The following SHPRH variants were observed in gnomAD, a reference collection of about 807,000 sequenced individuals.
SHPRH encodes E3 ubiquitin-protein ligase SHPRH.
SHPRH carries 106 observed loss-of-function variants against 202.5 expected under a neutral mutation model. The observed-to-expected ratio is 0.52, with a 90% confidence interval of 0.45 to 0.62. The LOEUF is 0.62. Among genes scored for constraint, SHPRH ranks in the 20% least tolerant of loss-of-function variants. SHPRH has a pLI of 0.00. For missense variants in SHPRH, 1,710 were observed against 2,020.0 expected (o/e 0.85, Z 2.94); for synonymous variants, 729 against 686.0 (o/e 1.06, Z -0.98).
intron 8 of SHPRH, among the ~76,000 whole-genome samples, chr6:145,944,320 T>C (rs759758854): frequency 6.6e-6 from 1 of 152,168 alleles, no homozygotes; most frequent in Non-Finnish European, 1.5e-5. Flanking sequence ...TGTTAGATGC[T>C]AGGGACACAA....
intron 16 of SHPRH, among the ~76,000 whole-genome samples, chr6:145,925,368 A>ACATG: frequency 1.3e-5 from 2 of 151,368 alleles, no homozygotes; most frequent in Admixed American, 1.3e-4. Flanking sequence ...ACACACACAC[A>ACATG]CATGCATGCA....
Position 145,923,633 on chromosome 6 carries a change from GTTT to G in SHPRH, c.3545+7_3545+9del, listed in dbSNP as rs746205833. On this transcript the variant is annotated splice_region_variant and intron_variant, in intron 18 of 29. Coordinates refer to ENST00000275233, the MANE Select transcript of SHPRH (RefSeq NM_001042683.3). ...TTATGAGTAGATACTTTTTCTTCCT[GTTT>G]TCTTACTTCTCTGACATAGAAAGCT... The G allele has an allele frequency of 3.7e-6, 6 of 1,608,840 alleles. No homozygotes were observed. Among genetic ancestry groups the G allele is most frequent in the Admixed American group, 1.7e-5 (1 of 59,124 alleles).
At chr6:145,926,073 G>A (rs1198018432) in intron 16 of SHPRH, 131 bp downstream of exon 16, 6 of 873,018 alleles carry the variant, frequency 6.9e-6, no homozygotes, top group African/African-American at 3.4e-5. Flanking sequence ...AACAAAATTC[G>A]AAACATCAAA....
In SHPRH at chr6:145,913,092, A is replaced by G. The variant is rs1650569137; in HGVS notation, c.4326+386T>C. Among the ~76,000 whole-genome samples, 4 of 152,140 alleles carry G rather than the reference A, an allele frequency of 2.6e-5. No homozygotes were observed. The South Asian group carries it at 8.3e-4, about 31-fold the overall frequency. On this transcript the variant is annotated intron_variant, in intron 24 of 29. Coordinates refer to ENST00000275233, the MANE Select transcript of SHPRH (RefSeq NM_001042683.3). The stretch of plus-strand genomic sequence containing the variant: ...TTAATACTGGCAAGTAAGAACTACG[A>G]TTCTATACTAATGTAATACCTTAAG...
rs1789433419 is a variant in SHPRH at position 145,964,330 on chromosome 6, G to C, written c.-632C>G. 6.6e-6 allele frequency: 1 copy of C among 152,234 alleles called. No individual in the cohort carries two copies. The highest frequency in any genetic ancestry group is 6.5e-5 in the Admixed American group (1 of 15,286). 9.4% of individuals were successfully genotyped at this position (152,234 alleles called of 1,614,324 possible). On this transcript the variant is annotated 5_prime_UTR_variant, in exon 1 of 30. Transcript: ENST00000275233. ...CCCCGGGAGACCCAGAAACCACAGC[G>C]CCTAGCTGCCGGGCGCGCGCTGTAG...
chr6:145,945,811 TAAGA>T (rs1787312253), intron 7 of SHPRH, among the ~76,000 whole-genome samples, 174 bp from the exon 8 acceptor site: 1 of 152,106 alleles, frequency 6.6e-6, no homozygotes, highest in Non-Finnish European at 1.5e-5. Flanking sequence ...CTCAGCATAT[TAAGA>T]AACAAATTAC....
chr6:145,920,559 A>T (rs2128748591), intron 21 of SHPRH, among the ~76,000 whole-genome samples: 1 of 119,684 alleles, frequency 8.4e-6, no homozygotes, highest in South Asian at 2.5e-4. Context: ...GAAATTGAAT[A>T]AAAATGTCAT....
At chr6:145,918,265 C>G in intron 22 of SHPRH, 33 bp from the exon 23 acceptor site, 1 of 1,344,710 alleles carries the variant, frequency 7.4e-7, no homozygotes, top group Non-Finnish European at 1.0e-6. Context: ...CTTCTTTATT[C>G]TTTCAGAAAG....
intron 7 of SHPRH, among the ~76,000 whole-genome samples, chr6:145,945,851 A>C (rs1368769309): frequency 6.6e-6 from 1 of 152,140 alleles, no homozygotes; most frequent in African/African-American, 2.4e-5. Flanking sequence ...CAAAGGAAGA[A>C]TTACTCATAT....
rs777055416 is a variant in SHPRH, at chr6:145,946,266, C to T, written c.1288G>A (p.Glu430Lys). Reference sequence around the variant, plus strand: ...TGAACTTTTTCTTTTGGTTCAAATTCGATATTCTGGATTTCTGTCTTTTTC... The same window carrying T: ...TGAACTTTTTCTTTTGGTTCAAATTTGATATTCTGGATTTCTGTCTTTTTC... ...KLKKTEIQNIEFEPKEKVQCP... is the reference protein window; with the variant it reads ...KLKKTEIQNIKFEPKEKVQCP... The change falls in exon 7 of 30, where the codon GAA becomes AAA. Residue 430 changes from glutamate to lysine, a missense_variant. By Grantham distance (56) the Glu-to-Lys change is moderately conservative. Around this residue, in one of 8 missense-constraint regions of SHPRH, gnomAD observed 348 missense variants for 356.9 expected, o/e 0.97. Transcript: ENST00000275233. 12 of 1,608,360 alleles carry T rather than the reference C, an allele frequency of 7.5e-6. No homozygotes were observed. The highest frequency in any genetic ancestry group is 4.5e-5 in the East Asian group (2 of 44,550).
At chr6:145,961,652 A>C (rs1241944538) in intron 1 of SHPRH, among the ~76,000 whole-genome samples, 3 of 151,930 alleles carry the variant, frequency 2.0e-5, no homozygotes, top group Admixed American at 1.3e-4. Context: ...ATTCCTTCAG[A>C]TGTATTCTTT....
intron 25 of SHPRH, among the ~76,000 whole-genome samples, chr6:145,898,590 T>G (rs1052012203): frequency 6.6e-6 from 1 of 152,106 alleles, no homozygotes; most frequent in Non-Finnish European, 1.5e-5. Flanking sequence ...TATGAATGAC[T>G]TGGTGCCATT....
At chr6:145,932,060 G>A (rs373877640) in intron 14 of SHPRH, among the ~76,000 whole-genome samples, 8 of 151,328 alleles carry the variant, frequency 5.3e-5, no homozygotes, top group African/African-American at 1.7e-4. Context: ...TTTCTTAGGC[G>A]GTGTCTAATC....
intron 25 of SHPRH, among the ~76,000 whole-genome samples, chr6:145,898,937 G>A (rs1295731957): frequency 2.0e-5 from 3 of 151,950 alleles, no homozygotes; most frequent in Non-Finnish European, 4.4e-5. Flanking sequence ...TCAGTCTCCC[G>A]AGTAGCTGGG....
chr6:145,926,779 T>C (rs144411822), intron 15 of SHPRH, among the ~76,000 whole-genome samples: 1 of 152,068 alleles, frequency 6.6e-6, no homozygotes, highest in Admixed American at 6.6e-5. Context: ...AATTAAAATA[T>C]CCAAATCTCC....
intron 25 of SHPRH, chr6:145,908,947 C>T (rs190154676): frequency 4.6e-5 from 7 of 152,050 alleles, no homozygotes; most frequent in East Asian, 1.9e-4. Context: ...GGAAGGGGTC[C>T]GGTTTCAGTT....
In SHPRH at chr6:145,923,770, G is replaced by A. The variant is rs752137101; in HGVS notation, c.3418C>T (p.Pro1140Ser). The A allele has an allele frequency of 1.2e-6, 2 of 1,608,668 alleles. No homozygotes were observed. The highest frequency in any genetic ancestry group is 2.2e-5 in the South Asian group (2 of 90,314). Residue 1140 changes from proline (P) to serine (S), a missense_variant, in exon 18 of 30, where the codon CCT (proline) becomes TCT (serine). Physicochemically the swap from Pro to Ser is moderately conservative, Grantham distance 74 (BLOSUM62 -1). Coordinates refer to ENST00000275233, the MANE Select transcript of SHPRH (RefSeq NM_001042683.3). ...ELQRKIHSNSPWWLNVIHRAI... is the reference protein window; with the variant it reads ...ELQRKIHSNSSWWLNVIHRAI... The stretch of plus-strand genomic sequence containing the variant: ...CTGTGGATCACATTTAGCCACCAAG[G>A]AGAATTAGAATGAATCTGTAAAAAA...
intron 14 of SHPRH, among the ~76,000 whole-genome samples, chr6:145,930,831 C>T (rs938360462): frequency 6.6e-6 from 1 of 152,096 alleles, no homozygotes; most frequent in South Asian, 2.1e-4. Context: ...ACAATAATTA[C>T]GCACTTGTTT....
At chr6:145,892,007 C>A (rs146129198) in intron 28 of SHPRH, among the ~76,000 whole-genome samples, 10 of 152,108 alleles carry the variant, frequency 6.6e-5, no homozygotes, top group African/African-American at 2.4e-4. Flanking sequence ...AGTTACTTTG[C>A]CCTATTTGTT....
Sources: gnomAD v4.1 joint callset for allele counts (sites outside exome capture counted in the v4.1 genomes callset) on GRCh38, gnomAD v4.1.1 for gene constraint, gnomAD v4.1.1 regional missense constraint, MANE v1.5 for transcripts, NCBI Gene and HGNC (gene_info 2026-07-23, HGNC 2026-07-21) for gene names.